Variants in IFI16 observed in about 807,000 individuals in gnomAD.
IFI16 encodes the protein gamma-interferon-inducible protein 16.
Under a neutral mutation model 68.4 loss-of-function variants are expected in IFI16, and 49 were observed. The ratio of observed to expected loss-of-function variants is 0.72; its 90% confidence interval spans 0.57 to 0.91. The LOEUF is 0.91. IFI16 is among the 40% of genes least tolerant of loss of function. IFI16 has a pLI of 0.00. For missense variants in IFI16, 878 were observed against 942.9 expected (o/e 0.93, Z 0.90); for synonymous variants, 307 against 315.0 (o/e 0.97, Z 0.27).
intron 1 of IFI16, among the ~76,000 whole-genome samples, chr1:159,000,757 C>T (rs1652028962): frequency 6.6e-6 from 1 of 152,160 alleles, no homozygotes; most frequent in Non-Finnish European, 1.5e-5. Context: ...AAATCTCATG[C>T]TGAAATGTGA....
chr1:159,031,210 C>G (rs570742784), intron 6 of IFI16, among the ~76,000 whole-genome samples: 1 of 152,274 alleles, frequency 6.6e-6, no homozygotes, highest in South Asian at 2.1e-4. Flanking sequence ...GAGTTTATTT[C>G]CAGGCAGCAA....
At chr1:159,023,164 GTTAT>G (rs1653442709) in intron 6 of IFI16, among the ~76,000 whole-genome samples, 1 of 152,020 alleles carries the variant, frequency 6.6e-6, no homozygotes, top group African/African-American at 2.4e-5. Context: ...TAGAAAAAGA[GTTAT>G]TTATTTTAGA....
chr1:159,005,449 A>T (rs552215158), upstream of IFI16, among the ~76,000 whole-genome samples: 1 of 152,156 alleles, frequency 6.6e-6, no homozygotes, highest in African/African-American at 2.4e-5. Context: ...CCAGGTTTCC[A>T]TATGCATTCA....
intron 7 of IFI16, among the ~76,000 whole-genome samples, chr1:159,044,544 T>C (rs754485632): frequency 1.2e-4 from 19 of 152,090 alleles, no homozygotes; most frequent in Admixed American, 5.9e-4. Context: ...GGTTACTGAA[T>C]GGGAAAACTG....
intron 6 of IFI16, among the ~76,000 whole-genome samples, chr1:159,022,169 T>G (rs1003103446): frequency 6.6e-6 from 1 of 152,070 alleles, no homozygotes; most frequent in Non-Finnish European, 1.5e-5. Context: ...TTTCACCGTG[T>G]TAGCCAGGTT....
At chr1:159,001,846 T>TTTTAA (rs1652070888), upstream of IFI16, among the ~76,000 whole-genome samples, 1 of 152,232 alleles carries the variant, frequency 6.6e-6, no homozygotes, top group African/African-American at 2.4e-5. Flanking sequence ...GTATTTGCTA[T>TTTTAA]AGGGTAAAAT....
chr1:159,037,763 G>A (rs1211875326), intron 7 of IFI16, among the ~76,000 whole-genome samples: 4 of 152,096 alleles, frequency 2.6e-5, no homozygotes, highest in Admixed American at 6.6e-5. Context: ...AGGGAATAAA[G>A]AGGCTTTTTT....
In IFI16 at chr1:159,053,550, A is replaced by C; in HGVS notation, c.2103A>C (p.Glu701Asp). 1.9e-6 allele frequency: 3 copies of C among 1,606,114 alleles called. No individual in the cohort carries two copies. The highest frequency in any genetic ancestry group is 1.3e-5 in the African/African-American group (1 of 74,826). Residue 701 changes from glutamate (E) to aspartate (D), a missense_variant, in exon 11 of 12, where the codon GAA becomes GAC. This residue lies in a region of IFI16 where 311 missense variants were observed against 305.1 expected (regional missense o/e 1.02). Transcript: ENST00000295809. ...FEVHKKNVRG[E>D]FTYYEIQDNT... ...TTTTGCAGAAAAATGTAAGGGGTGAATTCACTTATTATGAAATACAAGATA... is the reference window on the plus strand; with the variant it reads ...TTTTGCAGAAAAATGTAAGGGGTGACTTCACTTATTATGAAATACAAGATA...
At chr1:159,015,842 T>C in intron 2 of IFI16, 30 bp from the exon 3 acceptor site, 1 of 1,503,664 alleles carries the variant, frequency 6.7e-7, no homozygotes, top group Non-Finnish European at 9.2e-7. Flanking sequence ...TTTTCTGCAT[T>C]GGTTGGGAAT....
At chr1:159,035,904 T>C (rs1372749131) in intron 7 of IFI16, among the ~76,000 whole-genome samples, 1 of 152,180 alleles carries the variant, frequency 6.6e-6, no homozygotes, top group African/African-American at 2.4e-5. Context: ...ATTTCTCTCA[T>C]CTAAATTCTA....
intron 10 of IFI16, chr1:159,052,395 A>G: frequency 3.3e-6 from 1 of 298,768 alleles, no homozygotes; most frequent in South Asian, 6.4e-5. Context: ...GACAGTGCAG[A>G]GTTTATATCA....
chr1:159,049,089 T>C (rs1379795675), intron 8 of IFI16, among the ~76,000 whole-genome samples: 2 of 150,046 alleles, frequency 1.3e-5, no homozygotes, highest in Non-Finnish European at 1.5e-5. Context: ...TGTCCATAAA[T>C]GTAGCCAACT....
intron 1 of IFI16, among the ~76,000 whole-genome samples, chr1:159,010,555 T>A (rs1293224388): frequency 6.6e-6 from 1 of 152,194 alleles, no homozygotes; most frequent in Non-Finnish European, 1.5e-5. Context: ...CATGAAAGAA[T>A]ATTAAGTAAA....
rs1655401581 is a variant in IFI16 at position 159,052,105 on chromosome 1, C to T, written c.2085+7C>T. On this transcript the variant is annotated splice_region_variant and intron_variant, in intron 10 of 11. Transcript: ENST00000295809. The stretch of plus-strand genomic sequence containing the variant: ...GGTGTTTGAGGTACATAAGGTAAGC[C>T]CACACCATTGTTTTATAAAATTTCT... The T allele has an allele frequency of 6.3e-7, 1 of 1,591,688 alleles. No individual in the cohort carries two copies. Among genetic ancestry groups the T allele is most frequent in the Admixed American group, 1.7e-5 (1 of 57,626 alleles).
chr1:159,010,971 A>C (rs1652516807), intron 1 of IFI16, among the ~76,000 whole-genome samples: 1 of 152,246 alleles, frequency 6.6e-6, no homozygotes, highest in Admixed American at 6.5e-5. Context: ...TGTTGTTTTC[A>C]GAATTTTATT....
chr1:159,016,681 C>T lies in IFI16; in HGVS notation c.530C>T (p.Pro177Leu), dbSNP rs760533382. Residue 177 changes from proline (P) to leucine (L), a missense_variant, in exon 4 of 12, where the codon CCC (proline) becomes CTC (leucine). Pro to Leu is a moderately conservative substitution (Grantham distance 98). This residue lies in a region of IFI16 where 443 missense variants were observed against 421.8 expected (regional missense o/e 1.05). Coordinates refer to ENST00000295809, the MANE Select transcript of IFI16 (RefSeq NM_001376587.1). ...CCCAAGACCTCATTGTCAGCTCCACCCAACAGTTCTTCAACTGAGGTACAC... is the reference window on the plus strand; with the variant it reads ...CCCAAGACCTCATTGTCAGCTCCACTCAACAGTTCTTCAACTGAGGTACAC... ...PSPKTSLSAP[P>L]NSSSTENPKT... The T allele has an allele frequency of 6.2e-7, 1 of 1,613,870 alleles. No homozygotes were observed. Among genetic ancestry groups the T allele is most frequent in the African/African-American group, 1.3e-5 (1 of 75,018 alleles).
At position 159,032,553 on chromosome 1, in the gene IFI16, T is replaced by C. The variant is rs1186587149; in HGVS notation, c.1191T>C (p.Asn397=). 6.3e-6 allele frequency: 10 copies of C among 1,588,214 alleles called. No individual in the cohort carries two copies. The highest frequency in any genetic ancestry group is 8.5e-6 in the Non-Finnish European group (10 of 1,171,232). The change falls in exon 7 of 12, where the codon AAT becomes AAC. Residue 397 remains asparagine, a synonymous_variant. Transcript: ENST00000295809. ...QIKKKTNPRN[N]DPKSMKLPQE... is the part of the protein sequence containing the mutation. Reference sequence around the variant, plus strand: ...AGAAAAAAACAAACCCGAGAAACAATGACCCCAAGAGCATGAAGCTACCCC... The same window carrying C: ...AGAAAAAAACAAACCCGAGAAACAACGACCCCAAGAGCATGAAGCTACCCC...
intron 7 of IFI16, among the ~76,000 whole-genome samples, chr1:159,043,700 A>G (rs189069934): frequency 9.1e-4 from 139 of 152,252 alleles, no homozygotes; most frequent in African/African-American, 3.1e-3. Context: ...CCTGAAGTGA[A>G]CAGTACACAA....
At chr1:159,031,916 G>C (rs552726543) in intron 6 of IFI16, among the ~76,000 whole-genome samples, 1 of 152,166 alleles carries the variant, frequency 6.6e-6, no homozygotes, top group Non-Finnish European at 1.5e-5. Flanking sequence ...CTTTGGAATA[G>C]GAAAGACTTG....
Sources: gnomAD v4.1 joint callset for allele counts (sites outside exome capture counted in the v4.1 genomes callset) on GRCh38, gnomAD v4.1.1 for gene constraint, gnomAD v4.1.1 regional missense constraint, MANE v1.5 for transcripts, NCBI Gene and HGNC (gene_info 2026-07-23, HGNC 2026-07-21) for gene names.